Variants in B3GALT5 observed in about 807,000 individuals in gnomAD.
B3GALT5 encodes UDP-Gal:betaGlcNAc beta 1,3-galactosyltransferase, polypeptide 5.
For missense variants in B3GALT5, 328 were observed against 396.6 expected, an observed-to-expected ratio of 0.83 and a Z score of 1.47; for synonymous variants, 156 against 158.6, an observed-to-expected ratio of 0.98 and a Z score of 0.12.
At chr21:39,629,394 G>A (rs1304594007) in intron 1 of B3GALT5, among the ~76,000 whole-genome samples, 3 of 152,118 alleles carry the variant, frequency 2.0e-5, no homozygotes, top group Non-Finnish European at 4.4e-5. Context: ...TCTTTTCTAT[G>A]TTGATTAGAT....
At chr21:39,615,759 G>T (rs990094301) in intron 1 of B3GALT5, among the ~76,000 whole-genome samples, 1 of 152,148 alleles carries the variant, frequency 6.6e-6, no homozygotes, top group Non-Finnish European at 1.5e-5. Context: ...TGAGGATTAC[G>T]TGGTTCTGTA....
rs542973346 is a variant in B3GALT5, at chr21:39,613,072, G to A, written c.-392+5G>A. On this transcript the variant is annotated splice_donor_5th_base_variant and intron_variant, in intron 1 of 3. Coordinates refer to ENST00000684187, the MANE Select transcript of B3GALT5 (RefSeq NM_001356336.2). The stretch of plus-strand genomic sequence containing the variant: ...GCCGGGGCTGCCCCGCGCACGGTAA[G>A]GCCCGGGGCTGGGGCGCGGGGCGCG... 84 of 149,214 alleles carry A rather than the reference G, an allele frequency of 5.6e-4. No individual in the cohort carries two copies. Among genetic ancestry groups the A allele is most frequent in the African/African-American group, 2.0e-3 (82 of 40,974 alleles). The allele number at this position is 149,214 out of a possible 1,614,324, so 9.2% of individuals were successfully genotyped here.
chr21:39,639,883 T>C (rs1304770395), intron 1 of B3GALT5, among the ~76,000 whole-genome samples: 1 of 152,172 alleles, frequency 6.6e-6, no homozygotes, highest in African/African-American at 2.4e-5. Context: ...GCCTCCTCTC[T>C]TCATGCACGT....
At chr21:39,639,367 C>CTTTTT (rs2079262013) in intron 1 of B3GALT5, among the ~76,000 whole-genome samples, 1 of 123,542 alleles carries the variant, frequency 8.1e-6, no homozygotes, top group Non-Finnish European at 1.7e-5. Context: ...TCCTTCCTTC[C>CTTTTT]TTCCTTCCTT....
intron 1 of B3GALT5, among the ~76,000 whole-genome samples, chr21:39,615,878 G>A (rs1159381222): frequency 6.6e-6 from 1 of 152,174 alleles, no homozygotes; most frequent in African/African-American, 2.4e-5. Flanking sequence ...ACCATGCTGA[G>A]TAATAATTGT....
In B3GALT5 at chr21:39,660,636, A is replaced by G. The variant is rs564980488; in HGVS notation, c.77A>G (p.Tyr26Cys). The G allele has an allele frequency of 1.3e-6, 2 of 1,508,166 alleles. No individual in the cohort carries two copies. The highest frequency in any genetic ancestry group is 4.6e-5 in the East Asian group (2 of 43,576). The allele number at this position is 1,508,166 out of a possible 1,614,324, so 93.4% of individuals were successfully genotyped here. ...LGALCLYFSMYSLNPFKEQSF... is the reference protein window; with the variant it reads ...LGALCLYFSMCSLNPFKEQSF... ...GCTCTTTGTTTGTATTTTAGCATGT[A>G]CAGTCTAAATCCTTTCAAAGAACAG... is the stretch of plus-strand genomic sequence containing the variant. Residue 26 changes from tyrosine (Y) to cysteine (C), a missense_variant, in exon 4 of 4, where the codon TAC (tyrosine) becomes TGC (cysteine). Physicochemically the swap from Tyr to Cys is radical, Grantham distance 194 (BLOSUM62 -2). Coordinates refer to ENST00000684187, the MANE Select transcript of B3GALT5 (RefSeq NM_001356336.2).
At chr21:39,656,835 C>T (rs997816939) in intron 2 of B3GALT5, among the ~76,000 whole-genome samples, 3 of 152,338 alleles carry the variant, frequency 2.0e-5, no homozygotes, top group East Asian at 1.9e-4. Context: ...CCTATCCTGA[C>T]GGCTCTAGCT....
At chr21:39,616,486 G>A (rs181314468) in intron 1 of B3GALT5, among the ~76,000 whole-genome samples, 55 of 152,274 alleles carry the variant, frequency 3.6e-4, no homozygotes, top group African/African-American at 1.1e-3. Flanking sequence ...CTTCCAGACT[G>A]TGGCTTCTTC....
intron 1 of B3GALT5, among the ~76,000 whole-genome samples, chr21:39,636,757 G>A (rs1025448027): frequency 4.6e-5 from 7 of 152,092 alleles, no homozygotes; most frequent in Admixed American, 6.5e-5. Flanking sequence ...CTCTTCATAC[G>A]GAGGGAAGAT....
chr21:39,644,693 A>T (rs957280263), intron 1 of B3GALT5, among the ~76,000 whole-genome samples: 1 of 152,202 alleles, frequency 6.6e-6, no homozygotes, highest in African/African-American at 2.4e-5. Flanking sequence ...GCTAGTATTT[A>T]TTAAACTCCT....
chr21:39,615,577 A>G (rs2079103306), intron 1 of B3GALT5, among the ~76,000 whole-genome samples: 1 of 152,264 alleles, frequency 6.6e-6, no homozygotes. Flanking sequence ...TTGAATAAAT[A>G]TTCTTGCAGA....
At position 39,672,706 on chromosome 21, in the gene B3GALT5, T is replaced by C. The variant is rs368512573; in HGVS notation, c.*11214T>C. 1 of 152,242 alleles carries C rather than the reference T, an allele frequency of 6.6e-6. No individual in the cohort carries two copies. The highest frequency in any genetic ancestry group is 1.9e-4 in the East Asian group (1 of 5,202). 9.4% of individuals were successfully genotyped at this position (152,242 alleles called of 1,614,324 possible). ...AATCCTTTTGTTTTTACATTGATGT[T>C]TTCTATATTTATTTTGTACCTGGAA... On this transcript the variant is annotated 3_prime_UTR_variant, in exon 4 of 4. Transcript: ENST00000684187.
At chr21:39,623,661 A>G (rs2079149410) in intron 1 of B3GALT5, among the ~76,000 whole-genome samples, 1 of 152,148 alleles carries the variant, frequency 6.6e-6, no homozygotes, top group Non-Finnish European at 1.5e-5. Flanking sequence ...GGTCATGGGA[A>G]ATGGCTATCA....
chr21:39,668,093 G>C lies in B3GALT5; in HGVS notation c.*6601G>C, dbSNP rs947736076. 4 of 152,292 alleles carry C rather than the reference G, an allele frequency of 2.6e-5. No individual in the cohort carries two copies. Among genetic ancestry groups the C allele is most frequent in the Non-Finnish European group, 5.9e-5 (4 of 68,076 alleles). 9.4% of individuals were successfully genotyped at this position (152,292 alleles called of 1,614,324 possible). On this transcript the variant is annotated 3_prime_UTR_variant, in exon 4 of 4. Coordinates refer to ENST00000684187, the MANE Select transcript of B3GALT5 (RefSeq NM_001356336.2). Reference sequence around the variant, plus strand: ...GATGTTGTATCTAATGGCCTGCAGTGGTTGCTTAGCAGCAATGGGTTTGCT... The same window carrying C: ...GATGTTGTATCTAATGGCCTGCAGTCGTTGCTTAGCAGCAATGGGTTTGCT...
intron 1 of B3GALT5, among the ~76,000 whole-genome samples, chr21:39,629,308 C>G (rs1465580340): frequency 6.6e-6 from 1 of 152,240 alleles, no homozygotes; most frequent in African/African-American, 2.4e-5. Flanking sequence ...AGCCACCATG[C>G]CGAGCCTTAA....
At chr21:39,628,572 A>G (rs1034896364) in intron 1 of B3GALT5, among the ~76,000 whole-genome samples, 2 of 152,242 alleles carry the variant, frequency 1.3e-5, no homozygotes, top group African/African-American at 4.8e-5. Context: ...CCTTTGTCAC[A>G]TGACTCCATA....
intron 2 of B3GALT5, among the ~76,000 whole-genome samples, chr21:39,658,968 A>G (rs2079479912): frequency 6.6e-6 from 1 of 152,250 alleles, no homozygotes; most frequent in Non-Finnish European, 1.5e-5. Flanking sequence ...TTGGCTGGGC[A>G]CAGTGGCTTG....
At chr21:39,636,774 T>G (rs751169955) in intron 1 of B3GALT5, among the ~76,000 whole-genome samples, 5 of 152,142 alleles carry the variant, frequency 3.3e-5, no homozygotes, top group Non-Finnish European at 5.9e-5. Context: ...AGATCAAGGT[T>G]GTCTCCTGTG....
intron 1 of B3GALT5, among the ~76,000 whole-genome samples, chr21:39,634,053 C>T (rs1290678448): frequency 6.6e-6 from 1 of 152,182 alleles, no homozygotes; most frequent in East Asian, 1.9e-4. Flanking sequence ...TACCTCATGA[C>T]TCAGTACACA....
Sources: gnomAD v4.1 joint callset for allele counts (sites outside exome capture counted in the v4.1 genomes callset) on GRCh38, gnomAD v4.1.1 for gene constraint, MANE v1.5 for transcripts, NCBI Gene and HGNC (gene_info 2026-07-23, HGNC 2026-07-21) for gene names.